Variants in GLG1 observed in about 807,000 individuals in gnomAD.
GLG1 encodes Golgi apparatus protein 1.
Under a neutral mutation model 160.5 loss-of-function variants are expected in GLG1, and 38 were observed. The ratio of observed to expected loss-of-function variants is 0.24; its 90% CI spans 0.18 to 0.31. GLG1 has a LOEUF of 0.31. Among genes scored for constraint, GLG1 ranks in the 10% least tolerant of loss-of-function variants. The pLI, the probability that GLG1 is intolerant of heterozygous loss-of-function variation, is 1.00. For missense variants in GLG1, 1,373 were observed against 1,505.2 expected (o/e 0.91, Z 1.45); for synonymous variants, 644 against 543.4 (o/e 1.19, Z -2.57).
intron 8 of GLG1, among the ~76,000 whole-genome samples, chr16:74,488,066 A>G (rs1034138025): frequency 2.6e-5 from 4 of 152,176 alleles, no homozygotes; most frequent in African/African-American, 9.7e-5. Context: ...TTCACAGTTC[A>G]TGATTATGGT....
rs2014298150 is a variant in GLG1 at position 74,451,443 on chromosome 16, G to C, written c.*1724C>G. The C allele has an allele frequency of 1.3e-5, 2 of 152,238 alleles. No individual in the cohort carries two copies. Among genetic ancestry groups the C allele is most frequent in the African/African-American group, 4.8e-5 (2 of 41,454 alleles). 9.4% of individuals were successfully genotyped at this position (152,238 alleles called of 1,614,324 possible). On this transcript the variant is annotated 3_prime_UTR_variant, in exon 26 of 26. Coordinates refer to ENST00000422840, the MANE Select transcript of GLG1 (RefSeq NM_001145667.2). ...ATTCAAATATATGTCAGTCAGGTTAGACAAGGAGTAACTTGGATCAACTGA... is the reference window on the plus strand; with the variant it reads ...ATTCAAATATATGTCAGTCAGGTTACACAAGGAGTAACTTGGATCAACTGA...
intron 8 of GLG1, among the ~76,000 whole-genome samples, chr16:74,490,635 C>A (rs1339990912): frequency 6.6e-6 from 1 of 152,180 alleles, no homozygotes; most frequent in African/African-American, 2.4e-5. Flanking sequence ...TTACAACAGG[C>A]AAATTCTCTC....
intron 23 of GLG1, chr16:74,458,279 G>GT (rs2014642407): frequency 3.5e-6 from 1 of 285,454 alleles, no homozygotes; most frequent in Non-Finnish European, 6.6e-6. Flanking sequence ...ATGTCATGTC[G>GT]TATCATTTTA....
chr16:74,463,650 T>C (rs562037661), intron 19 of GLG1, among the ~76,000 whole-genome samples, 171 bp from the exon 20 acceptor site: 9 of 152,268 alleles, frequency 5.9e-5, no homozygotes, highest in Admixed American at 2.0e-4. Context: ...GCGATTCTCC[T>C]GCTTCAGCCT....
At chr16:74,583,441 C>T (rs993427550) in intron 1 of GLG1, among the ~76,000 whole-genome samples, 3 of 152,152 alleles carry the variant, frequency 2.0e-5, no homozygotes, top group Admixed American at 1.3e-4. Flanking sequence ...AGTGCAATAG[C>T]GTGATCTTGG....
At chr16:74,565,850 A>AGTTTGGTTTG (rs2018640673) in intron 1 of GLG1, among the ~76,000 whole-genome samples, 1 of 152,172 alleles carries the variant, frequency 6.6e-6, no homozygotes, top group Non-Finnish European at 1.5e-5. Context: ...CAAACTAAAA[A>AGTTTGGTTTG]GTTTGGTTTA....
chr16:74,486,169 G>A (rs1479706092), intron 8 of GLG1, among the ~76,000 whole-genome samples: 1 of 152,146 alleles, frequency 6.6e-6, no homozygotes, highest in African/African-American at 2.4e-5. Context: ...GTAATCCCTG[G>A]AGGTCTTTAC....
At chr16:74,479,811 A>G (rs946734519) in intron 11 of GLG1, among the ~76,000 whole-genome samples, 1 of 152,166 alleles carries the variant, frequency 6.6e-6, no homozygotes, top group African/African-American at 2.4e-5. Flanking sequence ...CAAGAGACTG[A>G]GGTATGGAGG....
chr16:74,469,616 ACTG>A (rs2015125070), intron 16 of GLG1: 2 of 218,570 alleles, frequency 9.2e-6, no homozygotes, highest in African/African-American at 4.5e-5. Flanking sequence ...CAATACAAAA[ACTG>A]CTGCATCTTA....
intron 13 of GLG1, among the ~76,000 whole-genome samples, chr16:74,473,883 A>G (rs1410148428): frequency 2.6e-5 from 4 of 152,146 alleles, no homozygotes; most frequent in Non-Finnish European, 4.4e-5. Context: ...TAACTAAAAG[A>G]GCGAGGGATG....
intron 1 of GLG1, among the ~76,000 whole-genome samples, chr16:74,584,077 A>C (rs1957995112): frequency 6.6e-6 from 1 of 152,108 alleles, no homozygotes; most frequent in Admixed American, 6.6e-5. Context: ...CAGCGCCTTC[A>C]ATTTTCCTCA....
At chr16:74,560,964 T>G (rs199809228) in intron 1 of GLG1, among the ~76,000 whole-genome samples, 1 of 150,774 alleles carries the variant, frequency 6.6e-6, no homozygotes, top group Non-Finnish European at 1.5e-5. Flanking sequence ...AGAAAAAAAG[T>G]TATTTAAAGG....
At chr16:74,602,784 CAA>C (rs888379518) in intron 1 of GLG1, among the ~76,000 whole-genome samples, 4 of 116,284 alleles carry the variant, frequency 3.4e-5, no homozygotes, top group Admixed American at 1.8e-4. Context: ...CTCTGTCTCT[CAA>C]AAAAAAAAAA....
intron 1 of GLG1, among the ~76,000 whole-genome samples, chr16:74,587,140 C>G (rs1372502159): frequency 6.6e-6 from 1 of 152,058 alleles, no homozygotes; most frequent in South Asian, 2.1e-4. Context: ...CCATTGTGAA[C>G]GAGACACAAT....
intron 16 of GLG1, 53 bp downstream of exon 16, chr16:74,469,932 G>T: frequency 8.8e-7 from 1 of 1,134,600 alleles, no homozygotes; most frequent in Non-Finnish European, 1.3e-6. Context: ...TACTCATTCC[G>T]GAGCTAAGAG....
At position 74,602,663 on chromosome 16, in the gene GLG1, G is replaced by A. The variant is rs1597390133; in HGVS notation, c.438+3994C>T. Reference sequence around the variant, plus strand: ...CCGGGTGTGGTGGCGGATGCCTGTAGTCCCAGCTACTTGGGAGGCTGAAGC... The same window carrying A: ...CCGGGTGTGGTGGCGGATGCCTGTAATCCCAGCTACTTGGGAGGCTGAAGC... On this transcript the variant is annotated intron_variant, in intron 1 of 25. Coordinates refer to ENST00000422840, the MANE Select transcript of GLG1 (RefSeq NM_001145667.2). Among the ~76,000 whole-genome samples the A allele has an allele frequency of 2.6e-5, 4 of 152,170 alleles. No homozygotes were observed. In the East Asian group the frequency reaches 7.7e-4, roughly 29 times the overall value.
chr16:74,521,168 G>A (rs2017151107), intron 2 of GLG1, among the ~76,000 whole-genome samples: 1 of 152,194 alleles, frequency 6.6e-6, no homozygotes, highest in Admixed American at 6.6e-5. Flanking sequence ...TAGCAAGGAG[G>A]ACACTGTGGC....
In GLG1 at chr16:74,521,204, G is replaced by A. The variant is rs148744359; in HGVS notation, c.471+10917C>T. The stretch of plus-strand genomic sequence containing the variant: ...TTAAGTAGAGGTGGCAAGGGGCAAC[G>A]GTCGTAGGAGAAGAGGTCAGAGAGT... On this transcript the variant is annotated intron_variant, in intron 2 of 25. Coordinates refer to ENST00000422840, the MANE Select transcript of GLG1 (RefSeq NM_001145667.2). Among the ~76,000 whole-genome samples, 11 of 152,272 alleles carry A rather than the reference G, an allele frequency of 7.2e-5. No individual in the cohort carries two copies. In the East Asian group the frequency reaches 2.1e-3, roughly 29 times the overall value.
chr16:74,548,512 A>G (rs1218694091), intron 1 of GLG1, among the ~76,000 whole-genome samples: 5 of 152,178 alleles, frequency 3.3e-5, no homozygotes, highest in Admixed American at 1.3e-4. Flanking sequence ...CTGGCATTCC[A>G]TATGTTATCT....
Sources: gnomAD v4.1 joint callset for allele counts (sites outside exome capture counted in the v4.1 genomes callset) on GRCh38, gnomAD v4.1.1 for gene constraint, MANE v1.5 for transcripts, NCBI Gene and HGNC (gene_info 2026-07-23, HGNC 2026-07-21) for gene names.